The following VASH1 variants were observed in gnomAD, a reference collection of about 807,000 sequenced individuals.
The protein encoded by VASH1 is vasohibin 1, also known as tubulinyl-Tyr carboxypeptidase 1.
VASH1 carries 16 observed loss-of-function variants against 35.0 expected under a neutral mutation model. That is an observed-to-expected ratio of 0.46 (90% CI 0.31 to 0.70). The LOEUF is 0.70. Ranked by LOEUF, VASH1 falls within the 30% of genes least tolerant of loss-of-function variation. The pLI, the probability that VASH1 is intolerant of heterozygous loss-of-function variation, is 0.05. For synonymous variants in VASH1, 214 were observed against 200.9 expected, an observed-to-expected ratio of 1.07 and a Z score of -0.55; for missense variants, 505 against 510.7, an observed-to-expected ratio of 0.99 and a Z score of 0.11.
chr14:76,774,703 A>G (rs1893885731), intron 4 of VASH1: 1 of 152,346 alleles, frequency 6.6e-6, no homozygotes, highest in Non-Finnish European at 1.5e-5. Context: ...CGGGCTGTGC[A>G]TTTCTCATCG....
chr14:76,768,909 G>C (rs914563017), intron 1 of VASH1, among the ~76,000 whole-genome samples: 11 of 152,146 alleles, frequency 7.2e-5, no homozygotes, highest in African/African-American at 2.4e-4. Flanking sequence ...TGGACAAGGG[G>C]GAGCCCTGAG....
chr14:76,775,746 G>A (rs1893918073), intron 4 of VASH1, 146 bp from the exon 5 acceptor site: 11 of 1,262,370 alleles, frequency 8.7e-6, no homozygotes, highest in Non-Finnish European at 1.1e-5. Flanking sequence ...ACCAGGAGGA[G>A]ACGCCAGGCG....
Position 76,782,106 on chromosome 14 carries a change from C to G in VASH1, c.*3088C>G, listed in dbSNP as rs1894126592. The G allele has an allele frequency of 6.6e-6, 1 of 152,282 alleles. No homozygotes were observed. Among genetic ancestry groups the G allele is most frequent in the African/African-American group, 2.4e-5 (1 of 41,438 alleles). 9.4% of individuals were successfully genotyped at this position (152,282 alleles called of 1,614,324 possible). ...AAAGTCTCCCCAAAGCCTGGCTCCT[C>G]ATGCTCAGTGCCAGGGGCAGAACAC... On this transcript the variant is annotated 3_prime_UTR_variant, in exon 7 of 7. Coordinates refer to ENST00000167106, the MANE Select transcript of VASH1 (RefSeq NM_014909.5).
intron 2 of VASH1, among the ~76,000 whole-genome samples, chr14:76,770,673 C>T (rs921302345): frequency 4.6e-5 from 7 of 152,180 alleles, no homozygotes; most frequent in African/African-American, 1.7e-4. Context: ...TGGGTCCTCT[C>T]TCCCAGGCTT....
intron 5 of VASH1, among the ~76,000 whole-genome samples, chr14:76,776,859 G>A (rs368956762): frequency 6.6e-6 from 1 of 152,126 alleles, no homozygotes; most frequent in Admixed American, 6.5e-5. Context: ...CCCCTGCTGG[G>A]TATCTCCATA....
intron 3 of VASH1, 147 bp from the exon 4 acceptor site, chr14:76,772,990 A>ATCTC: frequency 6.1e-6 from 4 of 659,216 alleles, no homozygotes; most frequent in South Asian, 2.3e-5. Context: ...GGGAGTGTGG[A>ATCTC]GGGAGGTGCT....
chr14:76,778,847 G>T, intron 6 of VASH1, 99 bp from the exon 7 acceptor site: 1 of 1,178,626 alleles, frequency 8.5e-7, no homozygotes, highest in Non-Finnish European at 1.3e-6. Flanking sequence ...CTTGGAGAAT[G>T]TGGCGGGGAA....
chr14:76,768,331 G>A (rs1461654934), intron 1 of VASH1, among the ~76,000 whole-genome samples: 4 of 152,196 alleles, frequency 2.6e-5, no homozygotes, highest in Non-Finnish European at 5.9e-5. Flanking sequence ...GTTTGGGGAG[G>A]GGGAGCAATG....
chr14:76,779,183 G>C lies in VASH1; in HGVS notation c.*165G>C. On this transcript the variant is annotated 3_prime_UTR_variant, in exon 7 of 7. Transcript: ENST00000167106. Reference sequence around the variant, plus strand: ...CCCCCAAGCTGCTCTCGCTCCCACTGAGCCAAGCCCCCTAACTTTGGGCCT... The same window carrying C: ...CCCCCAAGCTGCTCTCGCTCCCACTCAGCCAAGCCCCCTAACTTTGGGCCT... 3.9e-6 allele frequency: 3 copies of C among 771,536 alleles called. No homozygotes were observed. The highest frequency in any genetic ancestry group is 4.4e-6 in the Non-Finnish European group (2 of 454,488). The allele number at this position is 771,536 out of a possible 1,614,324, so 47.8% of individuals were successfully genotyped here. A position where few individuals can be genotyped will look rare whatever the true frequency, so the allele number is the denominator to read the frequency against.
chr14:76,769,893 A>G lies in VASH1; in HGVS notation c.310-70A>G, dbSNP rs557078590. 164 of 1,509,804 alleles carry G rather than the reference A, an allele frequency of 1.1e-4. No individual in the cohort carries two copies. The African/African-American group carries it at 2.2e-3, about 20-fold the overall frequency. 93.5% of individuals were successfully genotyped at this position (1,509,804 alleles called of 1,614,324 possible). A position where few individuals can be genotyped will look rare whatever the true frequency, so the allele number is the denominator to read the frequency against. ...GTGGGGCGCCTCTGGGGCCAGTCCT[A>G]GGTGTTTGGTGGACTGGAAGCTCCA... is the stretch of plus-strand genomic sequence containing the variant. On this transcript the variant is annotated intron_variant, in intron 1 of 6. Coordinates refer to ENST00000167106, the MANE Select transcript of VASH1 (RefSeq NM_014909.5).
At chr14:76,778,910 T>C (rs1447729917) in intron 6 of VASH1, 36 bp from the exon 7 acceptor site, 3 of 1,607,138 alleles carry the variant, frequency 1.9e-6, no homozygotes, top group African/African-American at 2.7e-5. Context: ...AACAGACCAC[T>C]CACTCTCCTC....
At chr14:76,778,852 G>A (rs1248207856) in intron 6 of VASH1, 94 bp from the exon 7 acceptor site, 20 of 1,255,426 alleles carry the variant, frequency 1.6e-5, no homozygotes, top group African/African-American at 7.4e-5. Flanking sequence ...AGAATGTGGC[G>A]GGGAAGCCAC....
intron 2 of VASH1, 92 bp downstream of exon 2, chr14:76,770,143 C>T: frequency 1.6e-6 from 2 of 1,217,572 alleles, no homozygotes; most frequent in South Asian, 2.6e-5. Context: ...AGCAGAGCCG[C>T]CTCATTCCAC....
chr14:76,778,060 C>A lies in VASH1; in HGVS notation c.1014C>A (p.Arg338=). 1 of 1,494,282 alleles carries A rather than the reference C, an allele frequency of 6.7e-7. No individual in the cohort carries two copies. 92.6% of individuals were successfully genotyped at this position (1,494,282 alleles called of 1,614,324 possible). A position where few individuals can be genotyped will look rare whatever the true frequency, so the allele number is the denominator to read the frequency against. ...AQSSPHRRNS[R]SERRPSGDKK... ...CCAGCCCCCACCGCAGGAACAGCCGCAGTGAAAGACGGTGAGAGAGGGACC... is the reference window on the plus strand; with the variant it reads ...CCAGCCCCCACCGCAGGAACAGCCGAAGTGAAAGACGGTGAGAGAGGGACC... The change falls in exon 6 of 7, where the codon CGC becomes CGA. Residue 338 remains arginine (R), a synonymous_variant. Coordinates refer to ENST00000167106, the MANE Select transcript of VASH1 (RefSeq NM_014909.5).
In VASH1 at chr14:76,779,079, C is replaced by G. The variant is rs1279018377; in HGVS notation, c.*61C>G. On this transcript the variant is annotated 3_prime_UTR_variant, in exon 7 of 7. Transcript: ENST00000167106. ...GGGGGCCAGGATCCACCTGCTGGAA[C>G]CAGCCTTATGCATGGGGAAGGCGGG... 1.3e-6 allele frequency: 2 copies of G among 1,569,048 alleles called. No individual in the cohort carries two copies. The highest frequency in any genetic ancestry group is 1.8e-6 in the Non-Finnish European group (2 of 1,142,278).
At chr14:76,765,600 T>G (rs1385813597) in intron 1 of VASH1, among the ~76,000 whole-genome samples, 1 of 152,192 alleles carries the variant, frequency 6.6e-6, no homozygotes, top group East Asian at 1.9e-4. Context: ...GCCATGCCAC[T>G]GGAGCTGGCA....
rs759977366 is a variant in VASH1 at position 76,779,399 on chromosome 14, G to A, written c.*381G>A. 2 of 698,862 alleles carry A rather than the reference G, an allele frequency of 2.9e-6. No individual in the cohort carries two copies. The highest frequency in any genetic ancestry group is 2.7e-5 in the East Asian group (1 of 37,032). The allele number at this position is 698,862 out of a possible 1,614,324, so 43.3% of individuals were successfully genotyped here. A position where few individuals can be genotyped will look rare whatever the true frequency, so the allele number is the denominator to read the frequency against. On this transcript the variant is annotated 3_prime_UTR_variant, in exon 7 of 7. Transcript: ENST00000167106. ...CTCTGCCCCTGGCTTCTCTCTGGGA[G>A]TTGGGTGCATCTTATCAGTGGGAAA...
rs183838228 is a variant in VASH1, at chr14:76,779,692, C to T, written c.*674C>T. On this transcript the variant is annotated 3_prime_UTR_variant, in exon 7 of 7. Transcript: ENST00000167106. Reference sequence around the variant, plus strand: ...GGGCAGAGGAGGGGTGATATGAGAGCGAGCCCAGGGAAGGACCTCTGGGCA... The same window carrying T: ...GGGCAGAGGAGGGGTGATATGAGAGTGAGCCCAGGGAAGGACCTCTGGGCA... 82 of 591,828 alleles carry T rather than the reference C, an allele frequency of 1.4e-4. 1 individual carries two copies. The South Asian group carries it at 1.5e-3, about 11-fold the overall frequency. 36.7% of individuals were successfully genotyped at this position (591,828 alleles called of 1,614,324 possible). A position where few individuals can be genotyped will look rare whatever the true frequency, so the allele number is the denominator to read the frequency against.
intron 1 of VASH1, among the ~76,000 whole-genome samples, chr14:76,768,173 C>A (rs1264565392): frequency 6.6e-6 from 1 of 152,210 alleles, no homozygotes; most frequent in Non-Finnish European, 1.5e-5. Flanking sequence ...CCTCTAATTC[C>A]CCTTCCACCT....
Sources: gnomAD v4.1 joint callset for allele counts (sites outside exome capture counted in the v4.1 genomes callset) on GRCh38, gnomAD v4.1.1 for gene constraint, MANE v1.5 for transcripts, NCBI Gene and HGNC (gene_info 2026-07-23, HGNC 2026-07-21) for gene names.